Variants in LOXL2 observed in about 807,000 individuals in gnomAD.
LOXL2 encodes the protein lysyl oxidase like 2.
LOXL2 carries 70 observed loss-of-function variants against 93.0 expected under a neutral mutation model. That is an observed-to-expected ratio of 0.75 (90% CI 0.62 to 0.92). The LOEUF (loss-of-function observed/expected upper bound fraction) is 0.92. Among genes scored for constraint, LOXL2 ranks in the 40% least tolerant of loss-of-function variants. The pLI, the probability that LOXL2 is intolerant of heterozygous loss-of-function variation, is 0.00. For synonymous variants in LOXL2, 438 were observed against 413.2 expected (o/e 1.06, Z -0.73); for missense variants, 973 against 1,054.9 (o/e 0.92, Z 1.08).
intron 7 of LOXL2, among the ~76,000 whole-genome samples, chr8:23,321,181 A>C (rs1803491110): frequency 6.6e-6 from 1 of 152,144 alleles, no homozygotes; most frequent in Non-Finnish European, 1.5e-5. Context: ...AGCCAAGGCA[A>C]GTCTCAGAGG....
intron 2 of LOXL2, among the ~76,000 whole-genome samples, chr8:23,361,200 G>A (rs909287683): frequency 1.3e-5 from 2 of 152,002 alleles, no homozygotes; most frequent in African/African-American, 4.8e-5. Flanking sequence ...CGCCCGGCCT[G>A]GTTTGAGGTT....
chr8:23,344,478 G>A (rs1453634465), intron 3 of LOXL2, among the ~76,000 whole-genome samples: 1 of 151,996 alleles, frequency 6.6e-6, no homozygotes, highest in African/African-American at 2.4e-5. Flanking sequence ...GTCTCTGTGT[G>A]TGCACGGGGG....
intron 11 of LOXL2, 102 bp from the exon 12 acceptor site, chr8:23,302,265 C>T (rs958450108): frequency 1.3e-5 from 19 of 1,424,682 alleles, no homozygotes; most frequent in South Asian, 2.5e-5. Context: ...CATCTGGGCT[C>T]GGCATCCCAC....
chr8:23,351,136 G>A (rs1460150586), intron 3 of LOXL2, among the ~76,000 whole-genome samples: 1 of 152,180 alleles, frequency 6.6e-6, no homozygotes, highest in African/African-American at 2.4e-5. Flanking sequence ...CTAGTGTAGG[G>A]TCTGGTGCTG....
At chr8:23,346,122 TAAAATA>T (rs1251315559) in intron 3 of LOXL2, among the ~76,000 whole-genome samples, 1 of 45,782 alleles carries the variant, frequency 2.2e-5, no homozygotes, top group Non-Finnish European at 4.4e-5. Context: ...AAAATTAAAA[TAAAATA>T]AAATAAAATA....
At chr8:23,351,039 T>C (rs1804084111) in intron 3 of LOXL2, among the ~76,000 whole-genome samples, 1 of 152,134 alleles carries the variant, frequency 6.6e-6, no homozygotes, top group Non-Finnish European at 1.5e-5. Context: ...AACACAGTCA[T>C]GAGGCATGAG....
In LOXL2 at chr8:23,355,512, C is replaced by CTTTTT. The variant is rs58824822; in HGVS notation, c.531+4573_531+4577dup. Among the ~76,000 whole-genome samples the CTTTTT allele has an allele frequency of 2.0e-3, 157 of 80,314 alleles. 7 individuals carry two copies. Among genetic ancestry groups the CTTTTT allele is most frequent in the Non-Finnish European group, 2.7e-3 (121 of 44,368 alleles). 52.7% of individuals were successfully genotyped at this position (80,314 alleles called of 152,430 possible). A position where few individuals can be genotyped will look rare whatever the true frequency, so the allele number is the denominator to read the frequency against. ...CTATCTGTAAAGCAGTTGACATTCA[C>CTTTTT]TTTTTTTTTTTTTTTTTTTTTTTTT... is the stretch of plus-strand genomic sequence containing the variant. On this transcript the variant is annotated intron_variant, in intron 3 of 13. Transcript: ENST00000389131.
intron 1 of LOXL2, among the ~76,000 whole-genome samples, chr8:23,388,365 C>T (rs1406671336): frequency 1.3e-5 from 2 of 152,088 alleles, no homozygotes; most frequent in African/African-American, 2.4e-5. Context: ...ATTGCTTCAG[C>T]TCAGGGGTTT....
intron 12 of LOXL2, 108 bp from the exon 13 acceptor site, chr8:23,299,055 T>C: frequency 2.9e-6 from 2 of 689,428 alleles, no homozygotes; most frequent in Non-Finnish European, 5.3e-6. Flanking sequence ...GCGTGGCAGG[T>C]GCCGGGACCC....
intron 10 of LOXL2, among the ~76,000 whole-genome samples, chr8:23,306,057 C>T (rs994810726): frequency 9.2e-5 from 14 of 152,144 alleles, no homozygotes; most frequent in African/African-American, 3.4e-4. Flanking sequence ...GTGATCCACT[C>T]GCCTCCGTCT....
At chr8:23,304,624 C>T (rs150889139) in intron 10 of LOXL2, among the ~76,000 whole-genome samples, 1 of 152,248 alleles carries the variant, frequency 6.6e-6, no homozygotes, top group African/African-American at 2.4e-5. Context: ...GCTCTCGGGG[C>T]CGCAAGATTG....
chr8:23,395,276 A>G (rs1800076356), intron 1 of LOXL2, among the ~76,000 whole-genome samples: 1 of 151,236 alleles, frequency 6.6e-6, no homozygotes, highest in Non-Finnish European at 1.5e-5. Context: ...ACAAAGAAAC[A>G]ACAACAAAAA....
At chr8:23,318,974 T>G (rs578103575) in intron 8 of LOXL2, among the ~76,000 whole-genome samples, 29 of 152,294 alleles carry the variant, frequency 1.9e-4, no homozygotes, top group African/African-American at 6.5e-4. Context: ...GATGCAGGAA[T>G]TCTCCTCTTC....
intron 1 of LOXL2, among the ~76,000 whole-genome samples, chr8:23,373,600 A>G (rs1049229822): frequency 6.6e-6 from 1 of 152,228 alleles, no homozygotes; most frequent in African/African-American, 2.4e-5. Flanking sequence ...GTGCTTGGCA[A>G]GCAGCTAACA....
At chr8:23,335,092 G>A (rs1803768604) in intron 4 of LOXL2, among the ~76,000 whole-genome samples, 2 of 152,158 alleles carry the variant, frequency 1.3e-5, no homozygotes, top group Admixed American at 1.3e-4. Flanking sequence ...TGGGATTACA[G>A]GGATGAGCTA....
At chr8:23,358,861 T>TC (rs761900224) in intron 3 of LOXL2, among the ~76,000 whole-genome samples, 25 of 150,790 alleles carry the variant, frequency 1.7e-4, no homozygotes, top group East Asian at 1.2e-3. Flanking sequence ...TTTTTTTTTT[T>TC]CAGACAGTCT....
intron 6 of LOXL2, among the ~76,000 whole-genome samples, chr8:23,327,913 T>C (rs1389562170): frequency 6.6e-6 from 1 of 152,166 alleles, no homozygotes; most frequent in Non-Finnish European, 1.5e-5. Flanking sequence ...GTTCCCTTTC[T>C]CTGCTGTCAG....
At chr8:23,382,187 T>A (rs1235629302) in intron 1 of LOXL2, among the ~76,000 whole-genome samples, 1 of 152,194 alleles carries the variant, frequency 6.6e-6, no homozygotes, top group Non-Finnish European at 1.5e-5. Context: ...TTTCAGTTTT[T>A]ATCTCTGTGA....
At chr8:23,367,893 C>G (rs1804430565) in intron 2 of LOXL2, 104 bp downstream of exon 2, 2 of 898,020 alleles carry the variant, frequency 2.2e-6, no homozygotes, top group Non-Finnish European at 3.5e-6. Context: ...CAAGAATTTA[C>G]ACTTCGCAGT....
Sources: allele counts gnomAD v4.1 joint callset (sites outside exome capture counted in the v4.1 genomes callset), GRCh38; gene constraint gnomAD v4.1.1; transcripts MANE v1.5; gene names NCBI Gene and HGNC (gene_info 2026-07-23, HGNC 2026-07-21).